BICD1: variants seen among roughly 807,000 people sequenced by gnomAD.
The protein encoded by BICD1 is BICD cargo adaptor 1, also known as protein bicaudal D homolog 1.
A neutral mutation model predicts 92.5 loss-of-function variants in BICD1; 35 were observed. The ratio of observed to expected loss-of-function variants is 0.38; its 90% CI spans 0.29 to 0.50. The LOEUF (loss-of-function observed/expected upper bound fraction) is 0.50. Among genes scored for constraint, BICD1 ranks in the 20% least tolerant of loss-of-function variants. The probability of loss-of-function intolerance (pLI) is 0.93; values close to 1 mark genes in which losing one functional copy is unlikely to be tolerated. For missense variants in BICD1, 950 were observed against 1,189.8 expected (o/e 0.80, Z 2.97); for synonymous variants, 429 against 465.1 (o/e 0.92, Z 1.00).
intron 2 of BICD1, among the ~76,000 whole-genome samples, chr12:32,290,460 A>C (rs963086718): frequency 6.6e-6 from 1 of 152,188 alleles, no homozygotes; most frequent in Non-Finnish European, 1.5e-5. Context: ...CATTCCTATC[A>C]GACTGCAGTT....
At chr12:32,174,252 T>C (rs1944031230) in intron 1 of BICD1, among the ~76,000 whole-genome samples, 1 of 152,234 alleles carries the variant, frequency 6.6e-6, no homozygotes, top group African/African-American at 2.4e-5. Context: ...TCTTTATTTT[T>C]TGTTTAACAC....
intron 1 of BICD1, among the ~76,000 whole-genome samples, chr12:32,132,448 A>G (rs904402679): frequency 6.7e-6 from 1 of 149,886 alleles, no homozygotes; most frequent in Non-Finnish European, 1.5e-5. Context: ...TGAGATGAGA[A>G]TGAACTGGGT....
chr12:32,142,453 C>CCTATCTATCCTATCTATCTAT (rs1942965133), intron 1 of BICD1, among the ~76,000 whole-genome samples: 3 of 112,882 alleles, frequency 2.7e-5, no homozygotes, highest in Non-Finnish European at 5.2e-5. Context: ...ACCTATCTAT[C>CCTATCTATCCTATCTATCTAT]CTATCTATCT....
chr12:32,183,475 C>T (rs1353091114), intron 1 of BICD1, among the ~76,000 whole-genome samples: 3 of 151,964 alleles, frequency 2.0e-5, no homozygotes, highest in Non-Finnish European at 4.4e-5. Flanking sequence ...CCATGTTGGC[C>T]AGGCTGGTCT....
At chr12:32,345,397 G>A (rs1938528997) in intron 8 of BICD1, among the ~76,000 whole-genome samples, 1 of 151,958 alleles carries the variant, frequency 6.6e-6, no homozygotes, top group South Asian at 2.1e-4. Flanking sequence ...AAATTTTAAA[G>A]TACAAAGGGT....
Position 32,155,296 on chromosome 12 carries a change from G to C in BICD1, c.213+47752G>C, listed in dbSNP as rs539550980. Among the ~76,000 whole-genome samples the C allele has an allele frequency of 1.1e-3, 169 of 152,208 alleles. 1 individual carries two copies. The highest frequency in any genetic ancestry group is 2.5e-3 in the Admixed American group (39 of 15,296). ...CTGTTACTGAAATGCATCCATCCCT[G>C]GAGTAACCATCTGTGAATGGTAATG... On this transcript the variant is annotated intron_variant, in intron 1 of 9. Coordinates refer to ENST00000652176, the MANE Select transcript of BICD1 (RefSeq NM_001714.4).
intron 2 of BICD1, among the ~76,000 whole-genome samples, chr12:32,258,547 C>T (rs12231791): frequency 0.048 from 7,288 of 151,812 alleles, 288 homozygotes; most frequent in East Asian, 0.2. Context: ...ACCACCAAGA[C>T]GCAGAGACCA....
intron 2 of BICD1, among the ~76,000 whole-genome samples, chr12:32,233,526 C>A (rs1945962229): frequency 6.6e-6 from 1 of 150,900 alleles, no homozygotes; most frequent in African/African-American, 2.4e-5. Context: ...CCCGTTCTTC[C>A]CCCTTCCTCC....
At chr12:32,292,208 T>C (rs1192592236) in intron 2 of BICD1, among the ~76,000 whole-genome samples, 2 of 152,192 alleles carry the variant, frequency 1.3e-5, no homozygotes, top group African/African-American at 2.4e-5. Flanking sequence ...TCCTGGCTTC[T>C]GGTGTTTGCT....
chr12:32,150,873 C>T (rs747570698), intron 1 of BICD1, among the ~76,000 whole-genome samples: 36 of 152,186 alleles, frequency 2.4e-4, no homozygotes, highest in Non-Finnish European at 2.8e-4. Flanking sequence ...ACGTGAGACT[C>T]ATGGCAAATT....
chr12:32,367,782 A>G (rs780136739), intron 9 of BICD1, 37 bp downstream of exon 9: 18 of 1,573,334 alleles, frequency 1.1e-5, no homozygotes, highest in Non-Finnish European at 1.6e-5. Flanking sequence ...ACCCAGCTGC[A>G]TGTCAGATCC....
intron 1 of BICD1, among the ~76,000 whole-genome samples, chr12:32,152,414 A>C (rs567239507): frequency 2.0e-4 from 30 of 151,720 alleles, no homozygotes; most frequent in African/African-American, 5.3e-4. Flanking sequence ...ATGCTCAGCT[A>C]ATTTTCTTGC....
intron 2 of BICD1, among the ~76,000 whole-genome samples, chr12:32,228,464 A>C (rs1178524708): frequency 6.6e-6 from 1 of 152,190 alleles, no homozygotes; most frequent in East Asian, 1.9e-4. Context: ...AGGGCCTTGT[A>C]GACCATTGAA....
At chr12:32,156,421 G>A (rs770998878) in intron 1 of BICD1, among the ~76,000 whole-genome samples, 18 of 152,166 alleles carry the variant, frequency 1.2e-4, no homozygotes, top group Non-Finnish European at 1.9e-4. Flanking sequence ...AAGAGATATA[G>A]CCGAGGGCAG....
intron 2 of BICD1, among the ~76,000 whole-genome samples, chr12:32,268,289 G>A (rs1240064972): frequency 6.6e-6 from 1 of 152,140 alleles, no homozygotes; most frequent in Admixed American, 6.5e-5. Context: ...CCAGGATGGA[G>A]AGTGCCTGCA....
chr12:32,182,513 C>A (rs1592432197), intron 1 of BICD1, among the ~76,000 whole-genome samples: 3 of 151,448 alleles, frequency 2.0e-5, no homozygotes, highest in Non-Finnish European at 2.9e-5. Context: ...GAACTCCTGA[C>A]CTCAAGTGAT....
At chr12:32,248,518 G>A (rs1946445927) in intron 2 of BICD1, among the ~76,000 whole-genome samples, 1 of 151,912 alleles carries the variant, frequency 6.6e-6, no homozygotes, top group South Asian at 2.1e-4. Context: ...GAGGTGGGAG[G>A]GATAATTGCA....
chr12:32,183,300 G>C (rs548573164), intron 1 of BICD1, among the ~76,000 whole-genome samples: 2 of 146,548 alleles, frequency 1.4e-5, no homozygotes, highest in African/African-American at 2.5e-5. Flanking sequence ...TTGAGACAGA[G>C]TCTTGCTCTG....
chr12:32,251,193 T>C (rs926475253), intron 2 of BICD1, among the ~76,000 whole-genome samples: 2 of 152,238 alleles, frequency 1.3e-5, no homozygotes, highest in African/African-American at 4.8e-5. Context: ...ATTAAAAATA[T>C]CTTCTTGTTG....
Sources: gnomAD v4.1 joint callset for allele counts (sites outside exome capture counted in the v4.1 genomes callset) on GRCh38, gnomAD v4.1.1 for gene constraint, MANE v1.5 for transcripts, NCBI Gene and HGNC (gene_info 2026-07-23, HGNC 2026-07-21) for gene names.